The following TERF2 variants were observed in gnomAD, a reference collection of about 807,000 sequenced individuals.
TERF2 encodes telomeric repeat-binding factor 2.
A neutral mutation model predicts 56.1 loss-of-function variants in TERF2; 16 were observed. The ratio of observed to expected loss-of-function variants is 0.29; its 90% CI spans 0.19 to 0.43. The LOEUF is 0.43. Ranked by LOEUF, TERF2 falls within the 20% of genes least tolerant of loss-of-function variation. The probability of loss-of-function intolerance (pLI) is 1.00; values close to 1 mark genes in which losing one functional copy is unlikely to be tolerated. For synonymous variants in TERF2, 296 were observed against 282.1 expected (o/e 1.05, Z -0.50); for missense variants, 547 against 712.9 (o/e 0.77, Z 2.65).
At chr16:69,382,583 C>T (rs1350808883) in intron 3 of TERF2, among the ~76,000 whole-genome samples, 4 of 152,146 alleles carry the variant, frequency 2.6e-5, no homozygotes, top group Admixed American at 2.6e-4. Context: ...TTAGACTCTA[C>T]AAGAATGAGA....
chr16:69,378,481 G>A (rs1040863578), intron 3 of TERF2, among the ~76,000 whole-genome samples: 2 of 152,208 alleles, frequency 1.3e-5, no homozygotes, highest in African/African-American at 4.8e-5. Flanking sequence ...AAAAAACTGG[G>A]ATTTCTTTCA....
Position 69,366,884 on chromosome 16 carries a change from G to A in TERF2, c.1263C>T (p.Ser421=). The change falls in exon 7 of 10, where the codon TCC becomes TCT. Residue 421 remains serine, a synonymous_variant. Transcript: ENST00000254942. ...QSTEPSAGLN[S]SQEAASAPPS... ...GTGGCGCTGAAGCGGCCTCCTGGGA[G>A]GAGTTGAGGCCTGCGCTGGGCTCAG... 6.2e-7 allele frequency: 1 copy of A among 1,614,234 alleles called. No individual in the cohort carries two copies. Among genetic ancestry groups the A allele is most frequent in the Non-Finnish European group, 8.5e-7 (1 of 1,180,040 alleles).
At chr16:69,378,612 T>C (rs1330352403) in intron 3 of TERF2, among the ~76,000 whole-genome samples, 1 of 152,214 alleles carries the variant, frequency 6.6e-6, no homozygotes, top group Non-Finnish European at 1.5e-5. Context: ...CCTTTGAGTC[T>C]GGGCTGGGTG....
At position 69,363,579 on chromosome 16, in the gene TERF2, A is replaced by G. The variant is rs181019305; in HGVS notation, c.1341-2090T>C. Among the ~76,000 whole-genome samples the G allele has an allele frequency of 3.9e-5, 6 of 152,222 alleles. No homozygotes were observed. The East Asian group carries it at 9.6e-4, about 24-fold the overall frequency. On this transcript the variant is annotated intron_variant, in intron 7 of 9. Transcript: ENST00000254942. ...GAACATGAAGAGCAATGGTCTAGCA[A>G]GTGTTGGCAAGCTACAGTCTGGCTG...
chr16:69,368,273 T>C (rs1189464477), intron 6 of TERF2, 103 bp downstream of exon 6: 4 of 1,023,262 alleles, frequency 3.9e-6, no homozygotes, highest in South Asian at 1.4e-5. Context: ...AACACGTTAG[T>C]AGGTCGGAGT....
intron 7 of TERF2, among the ~76,000 whole-genome samples, chr16:69,362,355 C>A (rs2142713964): frequency 6.6e-6 from 1 of 152,248 alleles, no homozygotes; most frequent in East Asian, 1.9e-4. Context: ...CTCCTGCCTG[C>A]AGTGCTGTTT....
chr16:69,379,311 A>G (rs1048656567), intron 3 of TERF2, among the ~76,000 whole-genome samples: 4 of 152,254 alleles, frequency 2.6e-5, no homozygotes, highest in African/African-American at 9.6e-5. Flanking sequence ...AAGTTCTAAC[A>G]GAGTGTATCT....
intron 3 of TERF2, among the ~76,000 whole-genome samples, chr16:69,372,791 C>G (rs1206458105): frequency 6.6e-6 from 1 of 152,054 alleles, no homozygotes; most frequent in Non-Finnish European, 1.5e-5. Context: ...AATTATTGTT[C>G]AAGTGTTATG....
intron 8 of TERF2, among the ~76,000 whole-genome samples, chr16:69,359,406 T>C (rs1319047249): frequency 6.6e-6 from 1 of 151,404 alleles, no homozygotes; most frequent in Non-Finnish European, 1.5e-5. Context: ...CACATACCTA[T>C]AGTCCCAACT....
chr16:69,360,345 A>T (rs2013087654), intron 8 of TERF2, among the ~76,000 whole-genome samples: 1 of 151,830 alleles, frequency 6.6e-6, no homozygotes, highest in South Asian at 2.1e-4. Flanking sequence ...AGATCGCACC[A>T]TTGCACTCCA....
chr16:69,368,510 G>A, intron 5 of TERF2, 28 bp from the exon 6 acceptor site: 6 of 1,613,220 alleles, frequency 3.7e-6, no homozygotes, highest in Non-Finnish European at 5.1e-6. Context: ...TCATCAGGAA[G>A]AAGAGGCCAC....
chr16:69,385,873 G>A lies in TERF2; in HGVS notation c.99C>T (p.Gly33=), dbSNP rs1007748490. ...SQPRKRPGRE[G]GEGARRSDTM... is the part of the protein sequence containing the mutation. ...TGTCCGATCGCCGCGCGCCCTCCCCGCCCTCCCGGCCGGGCCGCTTCCTCG... is the reference window on the plus strand; with the variant it reads ...TGTCCGATCGCCGCGCGCCCTCCCCACCCTCCCGGCCGGGCCGCTTCCTCG... Residue 33 remains glycine, a synonymous_variant, in exon 1 of 10, where the codon GGC becomes GGT. Transcript: ENST00000254942. The A allele has an allele frequency of 7.3e-7, 1 of 1,369,456 alleles. No homozygotes were observed. Among genetic ancestry groups the A allele is most frequent in the Non-Finnish European group, 9.4e-7 (1 of 1,059,268 alleles). 84.8% of individuals were successfully genotyped at this position (1,369,456 alleles called of 1,614,324 possible).
intron 7 of TERF2, among the ~76,000 whole-genome samples, chr16:69,361,945 T>TTTTTTTTTTTTTTTTTTGAG (rs1049508306): frequency 2.0e-5 from 3 of 149,766 alleles, no homozygotes; most frequent in Non-Finnish European, 3.0e-5. Context: ...ACTAGCCTCT[T>TTTTTTTTTTTTTTTTTTGAG]AACTAGAGTC....
intron 3 of TERF2, among the ~76,000 whole-genome samples, chr16:69,375,143 T>G (rs569522068): frequency 1.3e-5 from 2 of 152,292 alleles, no homozygotes; most frequent in Admixed American, 1.3e-4. Context: ...TGTACTATAG[T>G]TTATACATTC....
At chr16:69,361,513 C>A in intron 7 of TERF2, 24 bp from the exon 8 acceptor site, 2 of 1,549,068 alleles carry the variant, frequency 1.3e-6, no homozygotes, top group Non-Finnish European at 1.8e-6. Flanking sequence ...AAGGAGAGCA[C>A]AGGTATAAAA....
chr16:69,385,194 A>G (rs1344374611), intron 2 of TERF2, among the ~76,000 whole-genome samples, 197 bp downstream of exon 2: 2 of 152,166 alleles, frequency 1.3e-5, no homozygotes, highest in Non-Finnish European at 2.9e-5. Context: ...AAAAAAACAC[A>G]GAAAAGCAGC....
intron 5 of TERF2, among the ~76,000 whole-genome samples, chr16:69,369,402 G>C (rs1240722682): frequency 6.6e-6 from 1 of 152,004 alleles, no homozygotes; most frequent in African/African-American, 2.4e-5. Context: ...AGCCTCAAGT[G>C]ATCTTCCCAC....
At chr16:69,382,777 A>C (rs2014051037) in intron 3 of TERF2, among the ~76,000 whole-genome samples, 1 of 152,206 alleles carries the variant, frequency 6.6e-6, no homozygotes, top group Non-Finnish European at 1.5e-5. Flanking sequence ...AATGACTGCA[A>C]ACCTAGCTGA....
At chr16:69,380,687 T>C (rs2142764761) in intron 3 of TERF2, among the ~76,000 whole-genome samples, 1 of 152,098 alleles carries the variant, frequency 6.6e-6, no homozygotes, top group Admixed American at 6.6e-5. Context: ...CAGTCTATCT[T>C]GTAGTTTAAA....
Sources: gnomAD v4.1 joint callset for allele counts (sites outside exome capture counted in the v4.1 genomes callset) on GRCh38, gnomAD v4.1.1 for gene constraint, MANE v1.5 for transcripts, NCBI Gene and HGNC (gene_info 2026-07-23, HGNC 2026-07-21) for gene names.